Variants in RAB11A observed in about 807,000 individuals in gnomAD.
The protein encoded by RAB11A is RAB11A, member RAS oncogene family, also known as ras-related protein Rab-11A.
In RAB11A, 9 loss-of-function variants were observed where a neutral mutation model predicts 28.0. That is an observed-to-expected ratio of 0.32 (90% confidence interval 0.19 to 0.56). The LOEUF (loss-of-function observed/expected upper bound fraction) is 0.56, where lower values mean the gene tolerates loss of function less well. Ranked by LOEUF, RAB11A falls within the 20% of genes least tolerant of loss-of-function variation. The pLI is 0.91. For synonymous variants in RAB11A, 85 were observed against 88.2 expected, an observed-to-expected ratio of 0.96 and a Z score of 0.20; for missense variants, 108 against 269.6, an observed-to-expected ratio of 0.40 and a Z score of 4.20.
chr15:65,875,001 T>G (rs1162454785), intron 1 of RAB11A, among the ~76,000 whole-genome samples: 1 of 152,168 alleles, frequency 6.6e-6, no homozygotes, highest in Non-Finnish European at 1.5e-5. Flanking sequence ...TGGGCTCTGC[T>G]TGTGCCGTGG....
In RAB11A at chr15:65,889,016, G is replaced by A. The variant is rs2078270313; in HGVS notation, c.*1176G>A. On this transcript the variant is annotated 3_prime_UTR_variant, in exon 5 of 5. Transcript: ENST00000261890. ...TGAAATAGTTTTCTTCCACTACATT[G>A]TTGAAATCAATGAAGCAATTAGTTT... is the stretch of plus-strand genomic sequence containing the variant. 6.6e-6 allele frequency: 1 copy of A among 152,620 alleles called. No individual in the cohort carries two copies. The highest frequency in any genetic ancestry group is 1.5e-5 in the Non-Finnish European group (1 of 68,030). 9.5% of individuals were successfully genotyped at this position (152,620 alleles called of 1,614,324 possible). A position where few individuals can be genotyped will look rare whatever the true frequency, so the allele number is the denominator to read the frequency against.
At chr15:65,879,255 G>T (rs887055384) in intron 3 of RAB11A, among the ~76,000 whole-genome samples, 9 of 152,122 alleles carry the variant, frequency 5.9e-5, no homozygotes. Flanking sequence ...CAAGCAATCC[G>T]CCTGCCTTGG....
At chr15:65,875,726 A>G (rs1396188964) in intron 1 of RAB11A, among the ~76,000 whole-genome samples, 1 of 152,238 alleles carries the variant, frequency 6.6e-6, no homozygotes, top group African/African-American at 2.4e-5. Context: ...TCCAGAGGCT[A>G]GCTTATATCC....
At chr15:65,879,053 G>A (rs1281276992) in intron 3 of RAB11A, among the ~76,000 whole-genome samples, 1 of 150,848 alleles carries the variant, frequency 6.6e-6, no homozygotes, top group Non-Finnish European at 1.5e-5. Flanking sequence ...GAGTGGAGTG[G>A]CACAGTCAAG....
chr15:65,883,004 T>C (rs2078232336), intron 4 of RAB11A, among the ~76,000 whole-genome samples: 1 of 152,216 alleles, frequency 6.6e-6, no homozygotes, highest in South Asian at 2.1e-4. Context: ...TCTAAATATA[T>C]ACATATTTTT....
chr15:65,879,590 A>C, intron 3 of RAB11A, 81 bp from the exon 4 acceptor site: 2 of 1,092,102 alleles, frequency 1.8e-6, no homozygotes, highest in Non-Finnish European at 2.7e-6. Context: ...AAGTTCTGTT[A>C]TTTTTCCTTT....
intron 1 of RAB11A, among the ~76,000 whole-genome samples, 163 bp downstream of exon 1, chr15:65,869,788 C>G (rs954114807): frequency 1.3e-5 from 2 of 152,182 alleles, no homozygotes; most frequent in South Asian, 4.1e-4. Context: ...TTCTCCCCCG[C>G]TCAGACAGGG....
chr15:65,888,104 C>A lies in RAB11A; in HGVS notation c.*264C>A. The stretch of plus-strand genomic sequence containing the variant: ...TCCTCAGTTATTGTTTACTTTTCAT[C>A]ATGGAAGCCTGTCACTGTATGTAGG... On this transcript the variant is annotated 3_prime_UTR_variant, in exon 5 of 5. Coordinates refer to ENST00000261890, the MANE Select transcript of RAB11A (RefSeq NM_004663.5). 1 of 334,490 alleles carries A rather than the reference C, an allele frequency of 3.0e-6. No individual in the cohort carries two copies. The highest frequency in any genetic ancestry group is 5.4e-6 in the Non-Finnish European group (1 of 186,296). The allele number at this position is 334,490 out of a possible 1,614,324, so 20.7% of individuals were successfully genotyped here. A position where few individuals can be genotyped will look rare whatever the true frequency, so the allele number is the denominator to read the frequency against.
intron 4 of RAB11A, among the ~76,000 whole-genome samples, chr15:65,883,626 G>C (rs2078236175): frequency 6.6e-6 from 1 of 151,278 alleles, no homozygotes; most frequent in Non-Finnish European, 1.5e-5. Context: ...GTCTTGTTCT[G>C]CCAGGCAAGA....
At position 65,889,249 on chromosome 15, in the gene RAB11A, T is replaced by C. The variant is rs2078271950; in HGVS notation, c.*1409T>C. ...TGTCTCTTGCGGTGCTCATGATGTG[T>C]GGGGCACACGGAAGGCATTGCTGTA... On this transcript the variant is annotated 3_prime_UTR_variant, in exon 5 of 5. Coordinates refer to ENST00000261890, the MANE Select transcript of RAB11A (RefSeq NM_004663.5). The C allele has an allele frequency of 6.6e-6, 1 of 152,334 alleles. No homozygotes were observed. The allele number at this position is 152,334 out of a possible 1,614,324, so 9.4% of individuals were successfully genotyped here.
chr15:65,877,754 G>C lies in RAB11A; in HGVS notation c.237-8G>C. 6.4e-7 allele frequency: 1 copy of C among 1,571,578 alleles called. No homozygotes were observed. ...GTTTTCTGATACTAAATATGTTTCTGTTTTCAGATATTATCGTGGAGCTGT... is the reference window on the plus strand; with the variant it reads ...GTTTTCTGATACTAAATATGTTTCTCTTTTCAGATATTATCGTGGAGCTGT... On this transcript the variant is annotated splice_polypyrimidine_tract_variant and splice_region_variant and intron_variant, in intron 2 of 4. Coordinates refer to ENST00000261890, the MANE Select transcript of RAB11A (RefSeq NM_004663.5). This position sits in a 1 kb window ranked among gnomAD's most constrained non-coding sequence, Gnocchi z 4.1.
chr15:65,870,752 C>A (rs1016422140), intron 1 of RAB11A, among the ~76,000 whole-genome samples: 3 of 152,088 alleles, frequency 2.0e-5, no homozygotes, highest in Non-Finnish European at 4.4e-5. Flanking sequence ...CTTTTGGTTA[C>A]ATTAAATATT....
intron 3 of RAB11A, among the ~76,000 whole-genome samples, chr15:65,878,630 A>G (rs895868261): frequency 2.0e-5 from 3 of 152,240 alleles, no homozygotes; most frequent in African/African-American, 7.2e-5. Flanking sequence ...GTGAGCCGAG[A>G]TAGCGCCACT....
intron 4 of RAB11A, among the ~76,000 whole-genome samples, chr15:65,885,054 C>T (rs1000394359): frequency 1.4e-5 from 2 of 147,538 alleles, no homozygotes; most frequent in African/African-American, 5.0e-5. Flanking sequence ...CTGAGTGAGA[C>T]TCTGTCTCAA....
In RAB11A at chr15:65,877,271, A is replaced by G; in HGVS notation, c.41-61A>G. On this transcript the variant is annotated intron_variant, in intron 1 of 4. Transcript: ENST00000261890. The surrounding 1 kb of genome is among the most constrained non-coding windows in gnomAD (Gnocchi z 4.1). Reference sequence around the variant, plus strand: ...AGCCAAACTTCATTCTGTTGAAAGCATAGTGGTGTTCTGAATATGTTTGCC... The same window carrying G: ...AGCCAAACTTCATTCTGTTGAAAGCGTAGTGGTGTTCTGAATATGTTTGCC... The G allele has an allele frequency of 1.5e-6, 2 of 1,351,290 alleles. No homozygotes were observed. Among genetic ancestry groups the G allele is most frequent in the Admixed American group, 2.1e-5 (1 of 46,554 alleles). The allele number at this position is 1,351,290 out of a possible 1,614,324, so 83.7% of individuals were successfully genotyped here. A position where few individuals can be genotyped will look rare whatever the true frequency, so the allele number is the denominator to read the frequency against.
chr15:65,883,613 T>C (rs2078236126), intron 4 of RAB11A, among the ~76,000 whole-genome samples: 1 of 152,110 alleles, frequency 6.6e-6, no homozygotes, highest in South Asian at 2.1e-4. Flanking sequence ...TTTTTTCCCC[T>C]GAGTCTTGTT....
rs1215135090 is a variant in RAB11A at position 65,890,298 on chromosome 15, A to C, written c.*2458A>C. ...GGTCTCGATCTCCTGACCTGGTGAT[A>C]CACCCACCTCGGCCTCCCAAAGTGC... On this transcript the variant is annotated 3_prime_UTR_variant, in exon 5 of 5. Coordinates refer to ENST00000261890, the MANE Select transcript of RAB11A (RefSeq NM_004663.5). 6.6e-6 allele frequency: 1 copy of C among 152,118 alleles called. No homozygotes were observed. The highest frequency in any genetic ancestry group is 1.5e-5 in the Non-Finnish European group (1 of 68,112). The allele number at this position is 152,118 out of a possible 1,614,324, so 9.4% of individuals were successfully genotyped here. A position where few individuals can be genotyped will look rare whatever the true frequency, so the allele number is the denominator to read the frequency against.
intron 1 of RAB11A, among the ~76,000 whole-genome samples, chr15:65,873,179 TA>T (rs2078173129): frequency 1.3e-5 from 2 of 152,378 alleles, no homozygotes; most frequent in African/African-American, 4.8e-5. Flanking sequence ...GTTGACTTTT[TA>T]TTTTTAAAAC....
intron 4 of RAB11A, among the ~76,000 whole-genome samples, chr15:65,882,143 A>G (rs1350445392): frequency 3.9e-5 from 6 of 152,328 alleles, no homozygotes; most frequent in African/African-American, 1.2e-4. Context: ...CTTGAAAGCA[A>G]AGAAGACTTT....
Sources: allele counts gnomAD v4.1 joint callset (sites outside exome capture counted in the v4.1 genomes callset), GRCh38; gene constraint gnomAD v4.1.1; non-coding constraint Gnocchi (gnomAD v3.1); transcripts MANE v1.5; gene names NCBI Gene and HGNC (gene_info 2026-07-23, HGNC 2026-07-21).